Variants in OCA2 observed in about 807,000 individuals in gnomAD.
OCA2 encodes the protein OCA2 melanosomal transmembrane protein.
Under a neutral mutation model 100.2 loss-of-function variants are expected in OCA2, and 77 were observed. The ratio of observed to expected loss-of-function variants is 0.77; its 90% CI spans 0.64 to 0.93. The LOEUF (loss-of-function observed/expected upper bound fraction) is 0.93, where lower values mean the gene tolerates loss of function less well. OCA2 is among the 40% of genes least tolerant of loss of function. OCA2 has a pLI of 0.00. For synonymous variants in OCA2, 432 were observed against 439.2 expected, an observed-to-expected ratio of 0.98 and a Z score of 0.21; for missense variants, 1,062 against 1,089.1, an observed-to-expected ratio of 0.98 and a Z score of 0.35.
At chr15:27,812,717 C>G (rs924312) in intron 23 of OCA2, among the ~76,000 whole-genome samples, 90,495 of 151,996 alleles carry the variant, frequency 0.6, 27,376 homozygotes, top group South Asian at 0.77. Context: ...AAAGAGAGCC[C>G]CCTTTTGCTT....
In OCA2 at chr15:28,020,293, A is replaced by G. The variant is rs561420113; in HGVS notation, c.647-1736T>C. On this transcript the variant is annotated intron_variant, in intron 6 of 23. Transcript: ENST00000354638. Reference sequence around the variant, plus strand: ...ACACTGGGGCCTGGGTGGGATGACCAGAGGGCTGAGGCTATCATCTCATCT... The same window carrying G: ...ACACTGGGGCCTGGGTGGGATGACCGGAGGGCTGAGGCTATCATCTCATCT... 1.4e-4 allele frequency among the ~76,000 whole-genome samples: 22 copies of G among 152,310 alleles called. No individual in the cohort carries two copies. In the South Asian group the frequency reaches 4.6e-3, roughly 32 times the overall value.
At chr15:27,844,495 T>C (rs1041714710) in intron 23 of OCA2, among the ~76,000 whole-genome samples, 2 of 152,200 alleles carry the variant, frequency 1.3e-5, no homozygotes, top group Non-Finnish European at 1.5e-5. Context: ...ATCCTCTGTG[T>C]TATGGAGCTA....
chr15:27,893,087 T>C (rs1484149267), intron 19 of OCA2, among the ~76,000 whole-genome samples: 2 of 152,194 alleles, frequency 1.3e-5, no homozygotes, highest in Non-Finnish European at 2.9e-5. Flanking sequence ...TAAAAAAAGA[T>C]TCCAGACTCC....
Position 28,016,106 on chromosome 15 carries a change from G to A in OCA2, c.888C>T (p.Thr296=), listed in dbSNP as rs1178434758. 4 of 1,613,368 alleles carry A rather than the reference G, an allele frequency of 2.5e-6. No individual in the cohort carries two copies. The highest frequency in any genetic ancestry group is 2.2e-5 in the East Asian group (1 of 44,864). ...CACCTCACTCACTGAGAACTCACCTGGTCAGTACCTCAAAGGTCCTGCTCA... is the reference window on the plus strand; with the variant it reads ...CACCTCACTCACTGAGAACTCACCTAGTCAGTACCTCAAAGGTCCTGCTCA... The part of the protein sequence containing the change: ...SVMSRTFEVL[T]RETVSISIRA... The change falls in exon 8 of 24, where the codon ACC becomes ACT. Residue 296 remains threonine (T), a splice_region_variant and synonymous_variant. Coordinates refer to ENST00000354638, the MANE Select transcript of OCA2 (RefSeq NM_000275.3).
In OCA2 at chr15:28,043,203, T is replaced by G. The variant is rs1213154885; in HGVS notation, c.228-11040A>C. Among the ~76,000 whole-genome samples, 1 of 152,190 alleles carries G rather than the reference T, an allele frequency of 6.6e-6. No individual in the cohort carries two copies. Among genetic ancestry groups the G allele is most frequent in the Non-Finnish European group, 1.5e-5 (1 of 68,032 alleles). On this transcript the variant is annotated intron_variant, in intron 2 of 23. Coordinates refer to ENST00000354638, the MANE Select transcript of OCA2 (RefSeq NM_000275.3). This position sits in a 1 kb window ranked among gnomAD's most constrained non-coding sequence, Gnocchi z 4.4. ...GTAAGAACATCACCTGTATTTAAGGTCTAATTTCAATTGTCCTTTCCCCTA... is the reference window on the plus strand; with the variant it reads ...GTAAGAACATCACCTGTATTTAAGGGCTAATTTCAATTGTCCTTTCCCCTA...
intron 2 of OCA2, among the ~76,000 whole-genome samples, chr15:28,070,849 A>G (rs1302676229): frequency 2.1e-5 from 3 of 141,862 alleles, no homozygotes; most frequent in Non-Finnish European, 4.6e-5. Context: ...GATCCTGTTG[A>G]TCTGTGACCT....
At chr15:27,987,146 G>GT (rs2041382172) in intron 11 of OCA2, among the ~76,000 whole-genome samples, 1 of 152,164 alleles carries the variant, frequency 6.6e-6, no homozygotes, top group Non-Finnish European at 1.5e-5. Context: ...CAATTTGAGA[G>GT]TTTTATTGAA....
intron 23 of OCA2, among the ~76,000 whole-genome samples, chr15:27,818,374 G>A (rs1303549114): frequency 2.6e-5 from 4 of 152,190 alleles, no homozygotes; most frequent in African/African-American, 9.7e-5. Context: ...GGGTAACAGA[G>A]TGAGACTCCA....
At chr15:28,042,881 G>A (rs982244191) in intron 2 of OCA2, among the ~76,000 whole-genome samples, 5 of 151,838 alleles carry the variant, frequency 3.3e-5, no homozygotes, top group African/African-American at 9.7e-5. Flanking sequence ...AATTTTATTC[G>A]TTTATACTCC....
Position 28,032,174 on chromosome 15 carries a change from C to T in OCA2, c.228-11G>A. Reference sequence around the variant, plus strand: ...AAAGAAGAGTGAGACCTGAAAGAGACAGGGTAGGAAACAGAATCACCAACA... The same window carrying T: ...AAAGAAGAGTGAGACCTGAAAGAGATAGGGTAGGAAACAGAATCACCAACA... On this transcript the variant is annotated splice_polypyrimidine_tract_variant and intron_variant, in intron 2 of 23. Transcript: ENST00000354638. The T allele has an allele frequency of 1.2e-5, 19 of 1,587,818 alleles. No homozygotes were observed. Among genetic ancestry groups the T allele is most frequent in the Non-Finnish European group, 1.6e-5 (19 of 1,156,146 alleles).
chr15:27,859,199 G>A (rs1403540643), intron 21 of OCA2, among the ~76,000 whole-genome samples: 1 of 151,816 alleles, frequency 6.6e-6, no homozygotes, highest in Non-Finnish European at 1.5e-5. Flanking sequence ...ATAAGATGAA[G>A]AATAGAAAAA....
chr15:27,839,135 AG>A (rs1284232497), intron 23 of OCA2, among the ~76,000 whole-genome samples: 1 of 152,236 alleles, frequency 6.6e-6, no homozygotes, highest in African/African-American at 2.4e-5. Context: ...TAGAAGTCAA[AG>A]GTTATCATTA....
chr15:28,018,652 A>G (rs2042483971), intron 6 of OCA2, 95 bp from the exon 7 acceptor site: 1 of 1,213,712 alleles, frequency 8.2e-7, no homozygotes, highest in Admixed American at 1.9e-5. Context: ...CAGTGTGTGA[A>G]GAAATGCGTT....
intron 2 of OCA2, among the ~76,000 whole-genome samples, chr15:28,051,671 T>C (rs1215727188): frequency 6.7e-6 from 1 of 148,854 alleles, no homozygotes; most frequent in Non-Finnish European, 1.5e-5. Context: ...GTAGTGGCTA[T>C]TCATTCAGAG....
Position 27,976,898 on chromosome 15 carries a change from G to C in OCA2, c.1503+6447C>G, listed in dbSNP as rs189318294. Among the ~76,000 whole-genome samples, 70 of 149,376 alleles carry C rather than the reference G, an allele frequency of 4.7e-4. No homozygotes were observed. The Middle Eastern group carries it at 0.011, about 23-fold the overall frequency. ...TGAGTTGTTTGTTTATGTTTGTTTT[G>C]TTCTTTGTGGGAAGGTTTTTAACTA... On this transcript the variant is annotated intron_variant, in intron 14 of 23. Transcript: ENST00000354638.
chr15:27,802,168 A>C (rs2033643668), intron 23 of OCA2, among the ~76,000 whole-genome samples: 1 of 152,226 alleles, frequency 6.6e-6, no homozygotes, highest in Non-Finnish European at 1.5e-5. Context: ...AATGAAGATC[A>C]GGAATTAGAA....
chr15:27,895,094 T>C (rs1052242706), intron 19 of OCA2, among the ~76,000 whole-genome samples: 5 of 152,194 alleles, frequency 3.3e-5, no homozygotes, highest in Non-Finnish European at 7.3e-5. Context: ...CTGTAGGCAA[T>C]GTAACTCTCC....
intron 23 of OCA2, among the ~76,000 whole-genome samples, chr15:27,768,002 G>T (rs996257499): frequency 6.6e-6 from 1 of 152,228 alleles, no homozygotes; most frequent in African/African-American, 2.4e-5. Context: ...GAGGAAGGGG[G>T]AATAGTGTAC....
At chr15:27,861,171 G>A (rs898790190) in intron 21 of OCA2, among the ~76,000 whole-genome samples, 2 of 152,182 alleles carry the variant, frequency 1.3e-5, no homozygotes, top group Admixed American at 1.3e-4. Flanking sequence ...AACCTTTGAG[G>A]GGCAGCTGGC....
Sources: gnomAD v4.1 joint callset for allele counts (sites outside exome capture counted in the v4.1 genomes callset) on GRCh38, gnomAD v4.1.1 for gene constraint, Gnocchi (gnomAD v3.1) non-coding constraint, MANE v1.5 for transcripts, NCBI Gene and HGNC (gene_info 2026-07-23, HGNC 2026-07-21) for gene names.